ACTG2: variants seen among roughly 807,000 people sequenced by gnomAD.
ACTG2 encodes the protein actin gamma 2, smooth muscle.
Under a neutral mutation model 37.6 loss-of-function variants are expected in ACTG2, and 16 were observed. The observed-to-expected ratio is 0.43, with a 90% CI of 0.29 to 0.65. ACTG2 has a LOEUF of 0.65. Among genes scored for constraint, ACTG2 ranks in the 30% least tolerant of loss-of-function variants. The pLI is 0.18. For missense variants in ACTG2, 238 were observed against 490.9 expected (o/e 0.48, Z 4.87); for synonymous variants, 181 against 179.9 (o/e 1.01, Z -0.05).
chr2:73,919,245 T>C (rs1234868169), intron 8 of ACTG2, among the ~76,000 whole-genome samples, 187 bp from the exon 9 acceptor site: 1 of 152,214 alleles, frequency 6.6e-6, no homozygotes, highest in Non-Finnish European at 1.5e-5. Context: ...CAGTGCACTC[T>C]TCCCATGGAA....
intron 5 of ACTG2, among the ~76,000 whole-genome samples, 182 bp downstream of exon 5, chr2:73,909,321 G>A (rs1017930093): frequency 1.3e-5 from 2 of 152,186 alleles, no homozygotes; most frequent in African/African-American, 4.8e-5. Context: ...AGCTGGTATA[G>A]TTGGAAAAAA....
chr2:73,912,194 G>C (rs1037352387), intron 5 of ACTG2, among the ~76,000 whole-genome samples: 1 of 152,204 alleles, frequency 6.6e-6, no homozygotes, highest in Non-Finnish European at 1.5e-5. Flanking sequence ...GTTTCGCTCT[G>C]TTGCCAAGAC....
intron 5 of ACTG2, among the ~76,000 whole-genome samples, chr2:73,912,480 G>GT (rs1475454523): frequency 2.6e-5 from 4 of 152,244 alleles, no homozygotes; most frequent in African/African-American, 9.6e-5. Flanking sequence ...CAAACATCAT[G>GT]TTTAATAGCC....
chr2:73,909,269 T>C, intron 5 of ACTG2, 130 bp downstream of exon 5: 1 of 777,864 alleles, frequency 1.3e-6, no homozygotes. Flanking sequence ...TTCTTAGGGA[T>C]AATAGGTGAG....
chr2:73,918,706 T>G (rs116463069), intron 8 of ACTG2, among the ~76,000 whole-genome samples: 76 of 152,238 alleles, frequency 5.0e-4, no homozygotes, highest in Middle Eastern at 3.4e-3. Flanking sequence ...GCATGAACAA[T>G]GTAGATATAA....
At chr2:73,899,992 G>A (rs898516484) in intron 1 of ACTG2, among the ~76,000 whole-genome samples, 3 of 152,138 alleles carry the variant, frequency 2.0e-5, no homozygotes, top group African/African-American at 7.2e-5. Context: ...CAGACCTCGC[G>A]TTCTCAGGCC....
chr2:73,898,986 A>ATT (rs1247230285), intron 1 of ACTG2, among the ~76,000 whole-genome samples: 16 of 149,562 alleles, frequency 1.1e-4, no homozygotes, highest in Non-Finnish European at 2.1e-4. Flanking sequence ...TTTTTTTTGT[A>ATT]TTTTTAGTAG....
chr2:73,911,754 G>A (rs1680145159), intron 5 of ACTG2, among the ~76,000 whole-genome samples: 1 of 152,168 alleles, frequency 6.6e-6, no homozygotes, highest in Non-Finnish European at 1.5e-5. Context: ...TTGTGTATGT[G>A]GTCCGAAGTT....
chr2:73,894,862 G>T (rs1679709082), intron 1 of ACTG2, among the ~76,000 whole-genome samples: 1 of 152,142 alleles, frequency 6.6e-6, no homozygotes. Context: ...GGATTACAAG[G>T]GCTTTAGACT....
At chr2:73,908,159 G>C (rs1041718631) in intron 3 of ACTG2, 1 of 413,818 alleles carries the variant, frequency 2.4e-6, no homozygotes, top group African/African-American at 2.0e-5. Context: ...AGGTGACGAG[G>C]GCAGTGTCAT....
At chr2:73,914,134 A>C (rs1257514507) in intron 6 of ACTG2, among the ~76,000 whole-genome samples, 1 of 152,094 alleles carries the variant, frequency 6.6e-6, no homozygotes, top group African/African-American at 2.4e-5. Flanking sequence ...CAGAAATCTC[A>C]TGCAAAGTCC....
At position 73,901,580 on chromosome 2, in the gene ACTG2, GT is replaced by G. The variant is rs1558622414; in HGVS notation, c.126+144del. ...TGTGTGTGTGTGTGTGTGTGTGTGTGTCTGTGCGTGTGTGTGTGTGTGTGTC... is the reference window on the plus strand; with the variant it reads ...TGTGTGTGTGTGTGTGTGTGTGTGTGCTGTGCGTGTGTGTGTGTGTGTGTC... On this transcript the variant is annotated intron_variant, in intron 2 of 8. Transcript: ENST00000345517. 24 of 80,132 alleles carry G rather than the reference GT, an allele frequency of 3.0e-4. No individual in the cohort carries two copies. The African/African-American group carries it at 3.1e-3, about 10-fold the overall frequency. 5.0% of individuals were successfully genotyped at this position (80,132 alleles called of 1,614,324 possible). A position where few individuals can be genotyped will look rare whatever the true frequency, so the allele number is the denominator to read the frequency against.
intron 6 of ACTG2, among the ~76,000 whole-genome samples, chr2:73,914,135 T>C (rs1680201810): frequency 6.6e-6 from 1 of 152,146 alleles, no homozygotes; most frequent in African/African-American, 2.4e-5. Flanking sequence ...AGAAATCTCA[T>C]GCAAAGTCCT....
At chr2:73,897,822 G>A (rs991163290) in intron 1 of ACTG2, among the ~76,000 whole-genome samples, 13 of 152,172 alleles carry the variant, frequency 8.5e-5, no homozygotes, top group South Asian at 2.1e-4. Flanking sequence ...TTGCTGCACC[G>A]TTACATGGCA....
At chr2:73,905,338 T>TAA (rs1199694641) in intron 3 of ACTG2, among the ~76,000 whole-genome samples, 1 of 152,104 alleles carries the variant, frequency 6.6e-6, no homozygotes, top group Non-Finnish European at 1.5e-5. Flanking sequence ...TTTGACTTCT[T>TAA]AAAAAATCGT....
intron 5 of ACTG2, among the ~76,000 whole-genome samples, chr2:73,910,395 C>G (rs1680105135): frequency 2.1e-5 from 2 of 95,694 alleles, no homozygotes; most frequent in Non-Finnish European, 2.0e-5. Flanking sequence ...TGAGACGGAG[C>G]CTTGCTCTGT....
At chr2:73,916,105 T>C (rs1680260988) in intron 7 of ACTG2, among the ~76,000 whole-genome samples, 1 of 152,088 alleles carries the variant, frequency 6.6e-6, no homozygotes, top group Non-Finnish European at 1.5e-5. Context: ...AGGCCGGGTG[T>C]AATACCTCGC....
intron 5 of ACTG2, among the ~76,000 whole-genome samples, chr2:73,910,766 G>T (rs2462121): frequency 1.3e-5 from 2 of 151,404 alleles, no homozygotes; most frequent in Admixed American, 6.6e-5. Context: ...TCCATCTCAT[G>T]TTGGCCAGGC....
rs750711520 is a variant in ACTG2, at chr2:73,902,593, C to T, written c.255+105C>T. ...CTCTGTCAACTCTCCCTCTAAAATG[C>T]TTCTCACTTCTGTCTTTCCTTTCTT... On this transcript the variant is annotated intron_variant, in intron 3 of 8. Coordinates refer to ENST00000345517, the MANE Select transcript of ACTG2 (RefSeq NM_001615.4). 7 of 1,560,366 alleles carry T rather than the reference C, an allele frequency of 4.5e-6. No individual in the cohort carries two copies. The South Asian group carries it at 7.1e-5, about 16-fold the overall frequency.
Sources: allele counts gnomAD v4.1 joint callset (sites outside exome capture counted in the v4.1 genomes callset), GRCh38; gene constraint gnomAD v4.1.1; transcripts MANE v1.5; gene names NCBI Gene and HGNC (gene_info 2026-07-23, HGNC 2026-07-21).